VPS45: variants seen among roughly 807,000 people sequenced by gnomAD.
The protein encoded by VPS45 is vacuolar protein sorting-associated protein 45.
In VPS45, 35 loss-of-function variants were observed where a neutral mutation model predicts 75.9. The observed-to-expected ratio is 0.46, with a 90% confidence interval of 0.35 to 0.61. The LOEUF is 0.61. Among genes scored for constraint, VPS45 ranks in the 20% least tolerant of loss-of-function variants. VPS45 has a pLI of 0.00. For synonymous variants in VPS45, 220 were observed against 238.2 expected (o/e 0.92, Z 0.70); for missense variants, 559 against 685.9 (o/e 0.81, Z 2.07).
In VPS45 at chr1:150,067,905, G is replaced by C; in HGVS notation, c.48G>C (p.Glu16Asp). 1 of 1,614,210 alleles carries C rather than the reference G, an allele frequency of 6.2e-7. No individual in the cohort carries two copies. Among genetic ancestry groups the C allele is most frequent in the Non-Finnish European group, 8.5e-7 (1 of 1,180,022 alleles). ...AVKQYISKMI[E>D]DSGPGMKVLL... ...AGCAGTACATTTCCAAAATGATAGA[G>C]GACAGCGGGCCTGGTATGAAAGTAC... Residue 16 changes from glutamate (E) to aspartate (D), a missense_variant, in exon 1 of 15, where the codon GAG (glutamate) becomes GAC (aspartate). Glu to Asp is a conservative substitution (Grantham distance 45). Transcript: ENST00000644510.
intron 14 of VPS45, among the ~76,000 whole-genome samples, chr1:150,139,360 C>T (rs962937379): frequency 6.6e-6 from 1 of 152,200 alleles, no homozygotes; most frequent in Non-Finnish European, 1.5e-5. Context: ...CTTAAACATA[C>T]AGAGCCTTGA....
intron 3 of VPS45, among the ~76,000 whole-genome samples, chr1:150,073,530 G>A (rs1194286146): frequency 6.6e-6 from 1 of 152,042 alleles, no homozygotes; most frequent in African/African-American, 2.4e-5. Flanking sequence ...TTATTAATCT[G>A]TGGCAACTTA....
chr1:150,088,969 T>G (rs12750673), intron 10 of VPS45, among the ~76,000 whole-genome samples: 2 of 152,226 alleles, frequency 1.3e-5, no homozygotes, highest in African/African-American at 4.8e-5. Flanking sequence ...ATTTTTAATT[T>G]TTTAAGGAAT....
At chr1:150,077,493 C>A in intron 6 of VPS45, 176 bp from the exon 7 acceptor site, 1 of 674,408 alleles carries the variant, frequency 1.5e-6, no homozygotes, top group Non-Finnish European at 2.5e-6. Context: ...GTTTCATATC[C>A]TAACCTCTTA....
Position 150,121,378 on chromosome 1 carries a change from GA to G in VPS45, c.1625+10756del, listed in dbSNP as rs142049988. On this transcript the variant is annotated intron_variant, in intron 14 of 14. Coordinates refer to ENST00000644510, the MANE Select transcript of VPS45 (RefSeq NM_007259.5). ...TTTTTGAAGGCAAAGAACCTGCCCT[GA>G]AAAAGAATCTGACCTGAACACATGC... 2.0e-3 allele frequency among the ~76,000 whole-genome samples: 298 copies of G among 152,266 alleles called. 1 individual carries two copies. Among genetic ancestry groups the G allele is most frequent in the African/African-American group, 6.5e-3 (269 of 41,558 alleles).
At chr1:150,068,013 A>G in intron 1 of VPS45, 63 bp downstream of exon 1, 1 of 1,483,388 alleles carries the variant, frequency 6.7e-7, no homozygotes, top group Non-Finnish European at 9.4e-7. Flanking sequence ...TGCTCGTCCC[A>G]TTCCACTGTA....
intron 14 of VPS45, among the ~76,000 whole-genome samples, chr1:150,123,121 T>A (rs1553810027): frequency 6.6e-6 from 1 of 152,162 alleles, no homozygotes; most frequent in Non-Finnish European, 1.5e-5. Context: ...TCATATAATA[T>A]GTATTCTTTT....
intron 14 of VPS45, among the ~76,000 whole-genome samples, chr1:150,139,790 A>G (rs1266290466): frequency 6.6e-6 from 1 of 152,186 alleles, no homozygotes; most frequent in Non-Finnish European, 1.5e-5. Context: ...GACTCAAGCA[A>G]TAGGATTAAA....
intron 14 of VPS45, among the ~76,000 whole-genome samples, chr1:150,119,211 A>G (rs57289852): frequency 0.021 from 3,268 of 152,284 alleles, 95 homozygotes; most frequent in African/African-American, 0.074. Context: ...TATTACTAAC[A>G]TATTTAGTAA....
intron 10 of VPS45, among the ~76,000 whole-genome samples, chr1:150,089,984 A>T (rs1179605638): frequency 1.3e-5 from 2 of 152,246 alleles, no homozygotes; most frequent in Non-Finnish European, 2.9e-5. Context: ...TGAAAGCTAC[A>T]TGGGAGGTTC....
At chr1:150,099,726 G>A (rs1005119387) in intron 13 of VPS45, among the ~76,000 whole-genome samples, 41 of 151,662 alleles carry the variant, frequency 2.7e-4, no homozygotes, top group African/African-American at 9.5e-4. Flanking sequence ...CCGGCTACAC[G>A]GGAGGCTGAG....
chr1:150,120,169 T>C (rs1658160545), intron 14 of VPS45, among the ~76,000 whole-genome samples: 2 of 152,208 alleles, frequency 1.3e-5, no homozygotes, highest in Non-Finnish European at 2.9e-5. Context: ...ATTTCAGAAC[T>C]ACCACTTACT....
chr1:150,077,288 T>C (rs1174318006), intron 6 of VPS45, 57 bp downstream of exon 6: 2 of 1,567,502 alleles, frequency 1.3e-6, no homozygotes, highest in Non-Finnish European at 8.6e-7. Context: ...TTCTCTATCA[T>C]ATTTCAGAAA....
chr1:150,105,238 C>T (rs1657255649), intron 13 of VPS45, among the ~76,000 whole-genome samples: 1 of 152,146 alleles, frequency 6.6e-6, no homozygotes, highest in Non-Finnish European at 1.5e-5. Flanking sequence ...TCCACTCTCA[C>T]TGGTCCTATT....
At chr1:150,113,026 GTT>G (rs1292398390) in intron 14 of VPS45, among the ~76,000 whole-genome samples, 56 of 152,218 alleles carry the variant, frequency 3.7e-4, no homozygotes, top group Admixed American at 2.2e-3. Context: ...TTGGGTAGGG[GTT>G]TTTATGGAGG....
Position 150,082,798 on chromosome 1 carries a change from G to A in VPS45, c.1019G>A (p.Arg340Gln), listed in dbSNP as rs782749137. 26 of 1,614,046 alleles carry A rather than the reference G, an allele frequency of 1.6e-5. No individual in the cohort carries two copies. The highest frequency in any genetic ancestry group is 4.4e-5 in the South Asian group (4 of 91,090). ...GTGACAGTGGTTGGAGAACTGTCTC[G>A]ATTGGTCAGTGAACGGAATCTGCTG... The part of the protein sequence containing the change: ...KHVTVVGELS[R>Q]LVSERNLLEV... The change falls in exon 10 of 15, where the codon CGA becomes CAA. Residue 340 changes from arginine to glutamine, a missense_variant. By Grantham distance (43) the Arg-to-Gln change is conservative. Transcript: ENST00000644510.
At chr1:150,081,209 T>C (rs1655681662) in intron 7 of VPS45, 133 bp from the exon 8 acceptor site, 1 of 902,498 alleles carries the variant, frequency 1.1e-6, no homozygotes, top group Non-Finnish European at 1.6e-6. Context: ...AAAGTATGAA[T>C]AAAATTTAAC....
chr1:150,132,687 G>A (rs1038287236), intron 14 of VPS45, among the ~76,000 whole-genome samples: 2 of 152,174 alleles, frequency 1.3e-5, no homozygotes, highest in East Asian at 1.9e-4. Context: ...GGTCTTGTTC[G>A]AAGCAGTGTA....
intron 10 of VPS45, among the ~76,000 whole-genome samples, chr1:150,088,769 G>A (rs1356431255): frequency 5.3e-5 from 8 of 152,012 alleles, no homozygotes; most frequent in African/African-American, 1.9e-4. Context: ...CTGAGCCACC[G>A]TGCCCGACCT....
Sources: gnomAD v4.1 joint callset for allele counts (sites outside exome capture counted in the v4.1 genomes callset) on GRCh38, gnomAD v4.1.1 for gene constraint, MANE v1.5 for transcripts, NCBI Gene and HGNC (gene_info 2026-07-23, HGNC 2026-07-21) for gene names.